The following EIF2S1 variants were observed in gnomAD, a reference collection of about 807,000 sequenced individuals.
The protein encoded by EIF2S1 is eukaryotic translation initiation factor 2 subunit alpha, also known as eukaryotic translation initiation factor 2 subunit 1.
EIF2S1 carries 5 observed loss-of-function variants against 33.5 expected under a neutral mutation model. The ratio of observed to expected loss-of-function variants is 0.15; its 90% CI spans 0.08 to 0.31. The LOEUF is 0.31. Among genes scored for constraint, EIF2S1 ranks in the 10% least tolerant of loss-of-function variants. The pLI is 1.00. For synonymous variants in EIF2S1, 99 were observed against 127.5 expected, an observed-to-expected ratio of 0.78 and a Z score of 1.51; for missense variants, 191 against 384.6, an observed-to-expected ratio of 0.50 and a Z score of 4.21.
At chr14:67,372,530 C>G (rs569968567) in intron 2 of EIF2S1, among the ~76,000 whole-genome samples, 32 of 152,100 alleles carry the variant, frequency 2.1e-4, no homozygotes, top group African/African-American at 7.2e-4. Context: ...CTTGAACAAC[C>G]TAAAAAATCC....
At chr14:67,378,593 C>A (rs1318369833) in intron 4 of EIF2S1, among the ~76,000 whole-genome samples, 1 of 152,150 alleles carries the variant, frequency 6.6e-6, no homozygotes, top group Non-Finnish European at 1.5e-5. Context: ...ATATTTCTGT[C>A]CTGCAGTCCT....
chr14:67,369,917 G>A (rs942008912), intron 2 of EIF2S1, among the ~76,000 whole-genome samples: 12 of 152,200 alleles, frequency 7.9e-5, no homozygotes, highest in African/African-American at 2.9e-4. Flanking sequence ...CACAAATATA[G>A]GGGTGTGAAG....
chr14:67,366,949 T>G (rs1253268228), intron 2 of EIF2S1, among the ~76,000 whole-genome samples: 3 of 152,116 alleles, frequency 2.0e-5, no homozygotes, highest in African/African-American at 7.2e-5. Flanking sequence ...TTATTGGCTT[T>G]AGAACTGGAG....
chr14:67,370,691 T>A (rs1566612495), intron 2 of EIF2S1, among the ~76,000 whole-genome samples: 1 of 152,188 alleles, frequency 6.6e-6, no homozygotes, highest in Non-Finnish European at 1.5e-5. Flanking sequence ...GTCCTATATG[T>A]TAGAGAAATT....
intron 1 of EIF2S1, 148 bp from the exon 2 acceptor site, chr14:67,364,619 A>C: frequency 1.4e-6 from 1 of 739,690 alleles, no homozygotes; most frequent in Non-Finnish European, 2.1e-6. Context: ...TTCTGGTACC[A>C]CTTAAGAAGT....
At chr14:67,362,859 A>G (rs373521324) in intron 1 of EIF2S1, among the ~76,000 whole-genome samples, 1 of 152,326 alleles carries the variant, frequency 6.6e-6, no homozygotes, top group East Asian at 1.9e-4. Context: ...ACTACTATCT[A>G]TCTTTACTAT....
chr14:67,360,491 C>T, intron 1 of EIF2S1, 35 bp downstream of exon 1: 1 of 338,270 alleles, frequency 3.0e-6, no homozygotes. Flanking sequence ...TCCAGGAACT[C>T]ACTTTGGTTT....
chr14:67,383,000 A>G (rs542415327), intron 7 of EIF2S1, among the ~76,000 whole-genome samples: 17 of 152,184 alleles, frequency 1.1e-4, no homozygotes, highest in Admixed American at 3.3e-4. Flanking sequence ...AGGTTTTTTT[A>G]ACAGGATATC....
chr14:67,385,284 G>A lies in EIF2S1; in HGVS notation c.*1844G>A, dbSNP rs2085914346. On this transcript the variant is annotated 3_prime_UTR_variant, in exon 8 of 8. Transcript: ENST00000256383. ...CTTGAAGAACAGGCTTGGCAAAGAA[G>A]TAAGTTTATCCAAATCTTGAATTTC... is the stretch of plus-strand genomic sequence containing the variant. 1.3e-5 allele frequency: 2 copies of A among 152,142 alleles called. No individual in the cohort carries two copies. The highest frequency in any genetic ancestry group is 1.3e-4 in the Admixed American group (2 of 15,270). The allele number at this position is 152,142 out of a possible 1,614,324, so 9.4% of individuals were successfully genotyped here.
At chr14:67,372,876 A>G (rs1270704766) in intron 2 of EIF2S1, among the ~76,000 whole-genome samples, 5 of 152,146 alleles carry the variant, frequency 3.3e-5, no homozygotes, top group African/African-American at 9.7e-5. Flanking sequence ...TAAACCATCA[A>G]TTTTTAAAGG....
chr14:67,374,309 C>T (rs2085844957), intron 2 of EIF2S1, among the ~76,000 whole-genome samples, 159 bp from the exon 3 acceptor site: 1 of 152,166 alleles, frequency 6.6e-6, no homozygotes, highest in East Asian at 1.9e-4. Flanking sequence ...ATGAGGGATA[C>T]TCAGCCTTGT....
chr14:67,371,282 G>C (rs2085819224), intron 2 of EIF2S1, among the ~76,000 whole-genome samples: 1 of 151,830 alleles, frequency 6.6e-6, no homozygotes, highest in African/African-American at 2.4e-5. Flanking sequence ...GGGTGTGGTG[G>C]TGTGTACCTG....
In EIF2S1 at chr14:67,386,125, TTTAA is replaced by T. The variant is rs577275809; in HGVS notation, c.*2688_*2691del. The T allele has an allele frequency of 1.6e-4, 24 of 152,672 alleles. No homozygotes were observed. The highest frequency in any genetic ancestry group is 9.8e-4 in the Admixed American group (15 of 15,296). 9.5% of individuals were successfully genotyped at this position (152,672 alleles called of 1,614,324 possible). The stretch of plus-strand genomic sequence containing the variant: ...CAGGAAGCCATCAAACTAAACGTAG[TTTAA>T]TTCAGATGAACACCTATCGATATTC... On this transcript the variant is annotated 3_prime_UTR_variant, in exon 8 of 8. Coordinates refer to ENST00000256383, the MANE Select transcript of EIF2S1 (RefSeq NM_004094.5).
rs2085725308 is a variant in EIF2S1, at chr14:67,360,342, G to A, written c.-116G>A. On this transcript the variant is annotated 5_prime_UTR_variant, in exon 1 of 8. Transcript: ENST00000256383. ...GGAGGTTCCGCATGCGCGGTGGAGT[G>A]AGCGAAGCGCACGCTGAGGAGGATC... is the stretch of plus-strand genomic sequence containing the variant. The A allele has an allele frequency of 2.5e-6, 1 of 397,604 alleles. No homozygotes were observed. The highest frequency in any genetic ancestry group is 2.1e-5 in the African/African-American group (1 of 48,632). 24.6% of individuals were successfully genotyped at this position (397,604 alleles called of 1,614,324 possible). A position where few individuals can be genotyped will look rare whatever the true frequency, so the allele number is the denominator to read the frequency against.
intron 6 of EIF2S1, among the ~76,000 whole-genome samples, chr14:67,381,927 C>A (rs924219672): frequency 6.6e-6 from 1 of 152,064 alleles, no homozygotes; most frequent in African/African-American, 2.4e-5. Flanking sequence ...GGTAGAAAGC[C>A]AGCGATGCCA....
At chr14:67,376,308 A>G (rs1314463565) in intron 3 of EIF2S1, 131 bp from the exon 4 acceptor site, 2 of 895,378 alleles carry the variant, frequency 2.2e-6, no homozygotes, top group South Asian at 1.9e-5. Flanking sequence ...ACTTAAAGTG[A>G]GTATTTCCCT....
chr14:67,379,142 T>G (rs944894699), intron 4 of EIF2S1, among the ~76,000 whole-genome samples: 7 of 152,216 alleles, frequency 4.6e-5, no homozygotes, highest in Non-Finnish European at 8.8e-5. Flanking sequence ...TTCCCTTCTG[T>G]GCCATTTGTC....
rs191696500 is a variant in EIF2S1, at chr14:67,374,584, G to A, written c.321+37G>A. On this transcript the variant is annotated intron_variant, in intron 3 of 7. Transcript: ENST00000256383. Reference sequence around the variant, plus strand: ...TTTGAGTCAAATTAGTCCACTATCTGTGTGTTTAATAAATAATTTGAAATC... The same window carrying A: ...TTTGAGTCAAATTAGTCCACTATCTATGTGTTTAATAAATAATTTGAAATC... 280 of 1,355,066 alleles carry A rather than the reference G, an allele frequency of 2.1e-4. 1 individual carries two copies. The highest frequency in any genetic ancestry group is 6.7e-4 in the Admixed American group (36 of 54,066). 83.9% of individuals were successfully genotyped at this position (1,355,066 alleles called of 1,614,324 possible).
At chr14:67,367,271 G>A (rs754052974) in intron 2 of EIF2S1, among the ~76,000 whole-genome samples, 8 of 152,106 alleles carry the variant, frequency 5.3e-5, no homozygotes, top group Non-Finnish European at 7.4e-5. Flanking sequence ...TCACTCTGTC[G>A]CCAGGCTGGA....
Sources: allele counts gnomAD v4.1 joint callset (sites outside exome capture counted in the v4.1 genomes callset), GRCh38; gene constraint gnomAD v4.1.1; transcripts MANE v1.5; gene names NCBI Gene and HGNC (gene_info 2026-07-23, HGNC 2026-07-21).